Variants in CCDC47 observed in about 807,000 individuals in gnomAD.
CCDC47 encodes the protein PAT complex subunit CCDC47.
In CCDC47, 41 loss-of-function variants were observed where a neutral mutation model predicts 60.5. That is an observed-to-expected ratio of 0.68 (90% CI 0.53 to 0.88). CCDC47 has a LOEUF of 0.88. Ranked by LOEUF, CCDC47 falls within the 40% of genes least tolerant of loss-of-function variation. The pLI is 0.00. For synonymous variants in CCDC47, 195 were observed against 190.7 expected (o/e 1.02, Z -0.18); for missense variants, 513 against 580.9 (o/e 0.88, Z 1.20).
At chr17:63,752,180 C>A in intron 11 of CCDC47, 73 bp from the exon 12 acceptor site, 1 of 1,562,216 alleles carries the variant, frequency 6.4e-7, no homozygotes, top group Non-Finnish European at 8.8e-7. Context: ...GTTTAGCATT[C>A]TTTCATAAAA....
In CCDC47 at chr17:63,752,723, A is replaced by G; in HGVS notation, c.1093+18T>C. On this transcript the variant is annotated intron_variant, in intron 10 of 12. Coordinates refer to ENST00000225726, the MANE Select transcript of CCDC47 (RefSeq NM_020198.3). ...CTCAGAGAAGACTAAGAACCCAGAA[A>G]GGACCCAGAATACTTACCATTAAAT... 1 of 1,605,158 alleles carries G rather than the reference A, an allele frequency of 6.2e-7. No homozygotes were observed. Among genetic ancestry groups the G allele is most frequent in the Non-Finnish European group, 8.5e-7 (1 of 1,177,062 alleles).
At chr17:63,771,162 C>G (rs1598313708) in intron 1 of CCDC47, among the ~76,000 whole-genome samples, 1 of 151,918 alleles carries the variant, frequency 6.6e-6, no homozygotes, top group East Asian at 1.9e-4. Context: ...AGGCCCTACC[C>G]ATGGGTTCCA....
In CCDC47 at chr17:63,766,084, A is replaced by C. The variant is rs778676560; in HGVS notation, c.92T>G (p.Ile31Arg). The change falls in exon 2 of 13, where the codon ATA becomes AGA. Residue 31 changes from isoleucine to arginine, a missense_variant. Physicochemically the swap from Ile to Arg is moderately conservative, Grantham distance 97. Transcript: ENST00000225726. ...KFDDFEDEEDIVEYDDNDFAE... is the reference protein window; with the variant it reads ...KFDDFEDEEDRVEYDDNDFAE... ...GAAGTCATTATCATCATACTCTACTATGTCCTCCTCATCCTCAAAATCATC... is the reference window on the plus strand; with the variant it reads ...GAAGTCATTATCATCATACTCTACTCTGTCCTCCTCATCCTCAAAATCATC... 1.2e-4 allele frequency: 197 copies of C among 1,613,946 alleles called. No homozygotes were observed. The highest frequency in any genetic ancestry group is 2.1e-5 in the Non-Finnish European group (25 of 1,180,008).
intron 7 of CCDC47, 55 bp downstream of exon 7, chr17:63,756,414 G>A: frequency 1.9e-6 from 3 of 1,568,284 alleles, no homozygotes; most frequent in Non-Finnish European, 2.6e-6. Flanking sequence ...CTGAATATGT[G>A]TGTGCTAAGG....
At chr17:63,760,030 C>T (rs1389940199) in intron 6 of CCDC47, among the ~76,000 whole-genome samples, 1 of 145,042 alleles carries the variant, frequency 6.9e-6, no homozygotes, top group Non-Finnish European at 1.5e-5. Context: ...CACCACTGCA[C>T]TCCAGCCTGG....
chr17:63,752,495 TC>T, intron 10 of CCDC47, 66 bp from the exon 11 acceptor site: 2 of 1,101,396 alleles, frequency 1.8e-6, no homozygotes, highest in Non-Finnish European at 2.6e-6. Context: ...GTCACCCAAC[TC>T]TTTTTTTTTT....
intron 1 of CCDC47, among the ~76,000 whole-genome samples, chr17:63,770,063 C>T (rs1477126740): frequency 6.0e-5 from 9 of 149,726 alleles, no homozygotes; most frequent in East Asian, 2.0e-4. Flanking sequence ...TGGGTTCAAG[C>T]GATTCTTCTG....
intron 12 of CCDC47, among the ~76,000 whole-genome samples, chr17:63,750,121 G>A (rs978125489): frequency 7.9e-5 from 12 of 152,114 alleles, no homozygotes; most frequent in South Asian, 4.1e-4. Flanking sequence ...GATTTACATC[G>A]ACAAGAAGCT....
intron 1 of CCDC47, chr17:63,766,688 G>A (rs1057425029): frequency 7.0e-5 from 21 of 298,642 alleles, no homozygotes; most frequent in Non-Finnish European, 1.5e-5. Context: ...GCCTCCCAAA[G>A]TGCTGGGATT....
chr17:63,757,299 G>A (rs1463306140), intron 6 of CCDC47, among the ~76,000 whole-genome samples: 1 of 150,834 alleles, frequency 6.6e-6, no homozygotes, highest in East Asian at 1.9e-4. Flanking sequence ...TTGAGCCCCA[G>A]AAGCTGGAGG....
chr17:63,751,423 C>T (rs2039164402), intron 12 of CCDC47, among the ~76,000 whole-genome samples: 1 of 124,754 alleles, frequency 8.0e-6, no homozygotes, highest in African/African-American at 3.0e-5. Context: ...TGGACTATGG[C>T]ATCTTATTTC....
intron 6 of CCDC47, among the ~76,000 whole-genome samples, chr17:63,756,867 G>C (rs925056706): frequency 2.6e-5 from 4 of 152,254 alleles, no homozygotes; most frequent in African/African-American, 9.6e-5. Context: ...GTCAAAATAT[G>C]AAAGGGCTTA....
chr17:63,754,101 G>A (rs568157076), intron 9 of CCDC47, among the ~76,000 whole-genome samples: 8 of 151,938 alleles, frequency 5.3e-5, no homozygotes, highest in South Asian at 4.2e-4. Flanking sequence ...GTGAGACAGC[G>A]TCTCAAACAA....
At chr17:63,756,442 T>G (rs1398609755) in intron 7 of CCDC47, 27 bp downstream of exon 7, 22 of 1,594,288 alleles carry the variant, frequency 1.4e-5, no homozygotes, top group Non-Finnish European at 1.9e-5. Context: ...GTTCTACGTA[T>G]ATTTGAGTTG....
intron 9 of CCDC47, 152 bp from the exon 10 acceptor site, chr17:63,752,951 T>C: frequency 7.4e-7 from 1 of 1,346,026 alleles, no homozygotes; most frequent in Non-Finnish European, 9.6e-7. Context: ...ATGAAGGAGC[T>C]TTACAGGTCA....
intron 12 of CCDC47, among the ~76,000 whole-genome samples, chr17:63,748,684 C>T (rs750149699): frequency 3.9e-5 from 6 of 152,126 alleles, no homozygotes; most frequent in African/African-American, 4.8e-5. Context: ...ATTGGCCGGG[C>T]GCAGTGGCTG....
chr17:63,766,009 C>T lies in CCDC47; in HGVS notation c.167G>A (p.Arg56Gln), dbSNP rs1268193257. The T allele has an allele frequency of 5.6e-6, 9 of 1,613,936 alleles. No homozygotes were observed. Among genetic ancestry groups the T allele is most frequent in the South Asian group, 3.3e-5 (3 of 91,080 alleles). ...TTCATCATCTTCAGTGATTATGACC[C>T]GTTGAGGAGATTCAGTAACAGAGTC... ...MEDSVTESPQ[R>Q]VIITEDDEDE... The change falls in exon 2 of 13, where the codon CGG (arginine) becomes CAG (glutamine). Residue 56 changes from arginine to glutamine, a missense_variant. Coordinates refer to ENST00000225726, the MANE Select transcript of CCDC47 (RefSeq NM_020198.3).
At chr17:63,754,388 A>G (rs1161411230) in intron 9 of CCDC47, 45 bp downstream of exon 9, 1 of 1,181,034 alleles carries the variant, frequency 8.5e-7, no homozygotes, top group Non-Finnish European at 1.3e-6. Context: ...CAACACAGAA[A>G]GCTAGTGAGG....
At chr17:63,771,045 G>GAAGGAAGGAAGGAAGGAAGGAAGA (rs759971442) in intron 1 of CCDC47, among the ~76,000 whole-genome samples, 14 of 97,838 alleles carry the variant, frequency 1.4e-4, no homozygotes, top group East Asian at 6.8e-4. Flanking sequence ...AGGAAGGAAG[G>GAAGGAAGGAAGGAAGGAAGGAAGA]AAGAAAGAAA....
Sources: allele counts gnomAD v4.1 joint callset (sites outside exome capture counted in the v4.1 genomes callset), GRCh38; gene constraint gnomAD v4.1.1; transcripts MANE v1.5; gene names NCBI Gene and HGNC (gene_info 2026-07-23, HGNC 2026-07-21).